ZNF446: variants seen among roughly 807,000 people sequenced by gnomAD.
ZNF446 encodes the protein zinc finger protein 446, also known as zinc finger protein with KRAB and SCAN domains 20.
In ZNF446, 42 loss-of-function variants were observed where a neutral mutation model predicts 34.0. The ratio of observed to expected loss-of-function variants is 1.23; its 90% CI spans 0.96 to 1.60. The LOEUF (loss-of-function observed/expected upper bound fraction) is 1.60. Ranked by LOEUF, ZNF446 falls within the 40% of genes most tolerant of loss-of-function variation. ZNF446 has a pLI of 0.00. For synonymous variants in ZNF446, 315 were observed against 251.0 expected (o/e 1.25, Z -2.41); for missense variants, 650 against 600.2 (o/e 1.08, Z -0.87).
Position 58,480,096 on chromosome 19 carries a change from C to T in ZNF446, c.802+77C>T, listed in dbSNP as rs578035382. 1.5e-5 allele frequency: 24 copies of T among 1,556,926 alleles called. No individual in the cohort carries two copies. Among genetic ancestry groups the T allele is most frequent in the African/African-American group, 1.2e-4 (9 of 73,984 alleles). On this transcript the variant is annotated intron_variant, in intron 6 of 6. Coordinates refer to ENST00000594369, the MANE Select transcript of ZNF446 (RefSeq NM_017908.4). The surrounding 1 kb of genome is among the most constrained non-coding windows in gnomAD (Gnocchi z 7.2). ...CCTGAGCCACCCACTCATGGGGGGACGGGAGCTTGTGCCACGGCCACAAGC... is the reference window on the plus strand; with the variant it reads ...CCTGAGCCACCCACTCATGGGGGGATGGGAGCTTGTGCCACGGCCACAAGC...
downstream of ZNF446, among the ~76,000 whole-genome samples, chr19:58,481,400 G>A (rs187700641): frequency 2.6e-5 from 4 of 152,214 alleles, no homozygotes; most frequent in African/African-American, 4.8e-5. Context: ...GCTCCTTGCC[G>A]CCCACATCAC....
Position 58,479,955 on chromosome 19 carries a change from AC to A in ZNF446, c.739del (p.Gln247ArgfsTer119). On this transcript the variant is annotated frameshift_variant, in exon 6 of 7. Transcript: ENST00000594369. LOFTEE classifies it high-confidence loss of function. ...LGLPPHQPEA[Q>X]AQSELGMLLT... ...GGTTACCGCCCCACCAGCCAGAGGC[AC>A]AGGCCCAGTCAGAGCTGGGGATGCT... 1 of 1,587,326 alleles carries A rather than the reference AC, an allele frequency of 6.3e-7. No individual in the cohort carries two copies. Among genetic ancestry groups the A allele is most frequent in the Non-Finnish European group, 8.5e-7 (1 of 1,169,592 alleles).
At chr19:58,485,267 G>C (rs577736138), downstream of ZNF446, among the ~76,000 whole-genome samples, 1 of 151,722 alleles carries the variant, frequency 6.6e-6, no homozygotes. Context: ...TTGGGAGGCC[G>C]AGGCGGGTGG....
Position 58,480,172 on chromosome 19 carries a change from C to T in ZNF446, c.803-4C>T. ...GGACTCACCTGGTTTGCCCCTGCCC[C>T]CAGGAAATGAGAGTGAGGGTCCACC... is the stretch of plus-strand genomic sequence containing the variant. On this transcript the variant is annotated splice_region_variant and splice_polypyrimidine_tract_variant and intron_variant, in intron 6 of 6. Coordinates refer to ENST00000594369, the MANE Select transcript of ZNF446 (RefSeq NM_017908.4). The surrounding 1 kb of genome is among the most constrained non-coding windows in gnomAD (Gnocchi z 7.2). 1 of 1,591,066 alleles carries T rather than the reference C, an allele frequency of 6.3e-7. No individual in the cohort carries two copies. The highest frequency in any genetic ancestry group is 8.5e-7 in the Non-Finnish European group (1 of 1,175,576).
downstream of ZNF446, among the ~76,000 whole-genome samples, chr19:58,485,146 C>A (rs572388488): frequency 6.6e-6 from 1 of 151,990 alleles, no homozygotes; most frequent in Non-Finnish European, 1.5e-5. Flanking sequence ...TTGGAAAAAA[C>A]GACAAGTAGG....
In ZNF446 at chr19:58,480,986, A is replaced by G. The variant is rs1219357854; in HGVS notation, c.*260A>G. On this transcript the variant is annotated 3_prime_UTR_variant, in exon 7 of 7. Coordinates refer to ENST00000594369, the MANE Select transcript of ZNF446 (RefSeq NM_017908.4). The surrounding 1 kb of genome is among the most constrained non-coding windows in gnomAD (Gnocchi z 7.2). ...ATGGCTGACCAGTGCCTGTGGGGTG[A>G]CTGCCAAGCACCAGGCTCCCTCCCT... 2.0e-6 allele frequency: 1 copy of G among 503,646 alleles called. No homozygotes were observed. The highest frequency in any genetic ancestry group is 3.6e-6 in the Non-Finnish European group (1 of 280,476). 31.2% of individuals were successfully genotyped at this position (503,646 alleles called of 1,614,324 possible). A position where few individuals can be genotyped will look rare whatever the true frequency, so the allele number is the denominator to read the frequency against.
chr19:58,488,004 T>C, the ZNF446 span, among the ~76,000 whole-genome samples: 243 of 149,806 alleles, frequency 1.6e-3, 2 homozygotes, highest in African/African-American at 5.8e-3. Flanking sequence ...CCTGCCTTGC[T>C]CATGGCCACA....
downstream of ZNF446, among the ~76,000 whole-genome samples, chr19:58,483,209 T>C (rs1454475720): frequency 6.6e-6 from 1 of 151,120 alleles, no homozygotes; most frequent in African/African-American, 2.4e-5. Context: ...AAAATAATAG[T>C]AGGCTGGGTG....
intron 4 of ZNF446, among the ~76,000 whole-genome samples, chr19:58,479,217 C>G (rs761308409): frequency 1.3e-5 from 2 of 152,200 alleles, no homozygotes; most frequent in Non-Finnish European, 2.9e-5. Context: ...AGCACCATCT[C>G]TAGCTGTGGC....
downstream of ZNF446, chr19:58,483,473 G>A (rs1042712201): frequency 2.6e-5 from 4 of 152,170 alleles, no homozygotes; most frequent in Admixed American, 2.6e-4. Flanking sequence ...GGGTGACAAA[G>A]CGAGACCCTG....
downstream of ZNF446, among the ~76,000 whole-genome samples, chr19:58,484,948 C>A (rs1207125937): frequency 6.6e-6 from 1 of 151,956 alleles, no homozygotes; most frequent in African/African-American, 2.4e-5. Context: ...GTCCCAACTA[C>A]TCGGGAGGCT....
At chr19:58,484,292 A>C (rs1016828645), downstream of ZNF446, among the ~76,000 whole-genome samples, 7 of 142,102 alleles carry the variant, frequency 4.9e-5, no homozygotes, top group Non-Finnish European at 7.8e-5. Flanking sequence ...AAAAAAAAAA[A>C]AACACACAAT....
downstream of ZNF446, among the ~76,000 whole-genome samples, chr19:58,486,088 C>CTTTTTTTTTTTTT: frequency 1.2e-5 from 1 of 83,336 alleles, no homozygotes; most frequent in African/African-American, 4.9e-5. Context: ...AGCTAACTTT[C>CTTTTTTTTTTTTT]TTTTTTTTTT....
In ZNF446 at chr19:58,480,274, G is replaced by GC. The variant is rs1412907818; in HGVS notation, c.906dup (p.Thr303HisfsTer96). The GC allele has an allele frequency of 1.3e-6, 2 of 1,578,744 alleles. No homozygotes were observed. The highest frequency in any genetic ancestry group is 1.7e-6 in the Non-Finnish European group (2 of 1,164,898). Reference sequence around the variant, plus strand: ...GGGCTTGTCTGGGGCTGCCACTCCTGCCCCCACTGTGCGCCCAGGGACACC... The same window carrying GC: ...GGGCTTGTCTGGGGCTGCCACTCCTGCCCCCCACTGTGCGCCCAGGGACACC... On this transcript the variant is annotated frameshift_variant, in exon 7 of 7. Transcript: ENST00000594369. LOFTEE classifies it low-confidence loss of function (END_TRUNC). This position sits in a 1 kb window ranked among gnomAD's most constrained non-coding sequence, Gnocchi z 7.2.
the ZNF446 span, among the ~76,000 whole-genome samples, chr19:58,486,530 C>A: frequency 1.3e-4 from 20 of 152,088 alleles, no homozygotes; most frequent in Admixed American, 1.1e-3. Flanking sequence ...GCCTCAGCCT[C>A]CCGAGTAGCT....
At position 58,480,137 on chromosome 19, in the gene ZNF446, C is replaced by T. The variant is rs760996236; in HGVS notation, c.803-39C>T. 11 of 1,575,500 alleles carry T rather than the reference C, an allele frequency of 7.0e-6. No individual in the cohort carries two copies. The African/African-American group carries it at 1.5e-4, about 21-fold the overall frequency. ...GGCCACAAGCCTGAGGGAGGGGTTG[C>T]TGAGTGCCGGGACTCACCTGGTTTG... On this transcript the variant is annotated intron_variant, in intron 6 of 6. Transcript: ENST00000594369. This position sits in a 1 kb window ranked among gnomAD's most constrained non-coding sequence, Gnocchi z 7.2.
chr19:58,484,286 A>C (rs978568480), downstream of ZNF446, among the ~76,000 whole-genome samples: 5 of 150,168 alleles, frequency 3.3e-5, no homozygotes, highest in African/African-American at 9.8e-5. Context: ...AAAAAAAAAA[A>C]AAAAAAAACA....
At chr19:58,487,836 T>C in the ZNF446 span, among the ~76,000 whole-genome samples, 1 of 151,988 alleles carries the variant, frequency 6.6e-6, no homozygotes, top group African/African-American at 2.4e-5. Flanking sequence ...CAAATAAATA[T>C]GAATAGGACT....
rs771594520 is a variant in ZNF446 at position 58,479,697 on chromosome 19, C to G, written c.682C>G (p.Leu228Val). The stretch of plus-strand genomic sequence containing the variant: ...GAAGGAACTGTACTGGGATGCGATG[C>G]TGGAGAAGTACGGCACAGTGGTCTC... ...SQKELYWDAM[L>V]EKYGTVVSLG... is the part of the protein sequence containing the mutation. The change falls in exon 5 of 7, where the codon CTG (leucine) becomes GTG (valine). Residue 228 changes from leucine (L) to valine (V), a missense_variant. Transcript: ENST00000594369. 6.2e-7 allele frequency: 1 copy of G among 1,613,676 alleles called. No homozygotes were observed. The highest frequency in any genetic ancestry group is 8.5e-7 in the Non-Finnish European group (1 of 1,179,912).
Sources: allele counts gnomAD v4.1 joint callset (sites outside exome capture counted in the v4.1 genomes callset), GRCh38; gene constraint gnomAD v4.1.1; non-coding constraint Gnocchi (gnomAD v3.1); transcripts MANE v1.5; gene names NCBI Gene and HGNC (gene_info 2026-07-23, HGNC 2026-07-21).